TGFBI: variants seen among roughly 807,000 people sequenced by gnomAD.
TGFBI encodes the protein transforming growth factor-beta-induced protein ig-h3.
In TGFBI, 50 loss-of-function variants were observed where a neutral mutation model predicts 73.7. The ratio of observed to expected loss-of-function variants is 0.68; its 90% CI spans 0.54 to 0.86. TGFBI has a LOEUF of 0.86. TGFBI is among the 40% of genes least tolerant of loss of function. The probability of loss-of-function intolerance (pLI) is 0.00; values close to 1 mark genes in which losing one functional copy is unlikely to be tolerated. For missense variants in TGFBI, 839 were observed against 877.0 expected (o/e 0.96, Z 0.55); for synonymous variants, 362 against 360.5 (o/e 1.00, Z -0.05).
At chr5:136,055,534 C>T (rs959178158) in intron 10 of TGFBI, 146 bp from the exon 11 acceptor site, 5 of 671,156 alleles carry the variant, frequency 7.4e-6, no homozygotes, top group Non-Finnish European at 1.1e-5. Flanking sequence ...GAAAATACAT[C>T]ATTTTATCCC....
chr5:136,049,632 C>T, intron 7 of TGFBI, 52 bp downstream of exon 7: 1 of 1,574,590 alleles, frequency 6.4e-7, no homozygotes, highest in South Asian at 1.2e-5. Context: ...CTAGATTGAG[C>T]CCAAGACCTG....
chr5:136,043,315 C>G (rs1206927018), intron 2 of TGFBI, among the ~76,000 whole-genome samples: 3 of 152,198 alleles, frequency 2.0e-5, no homozygotes, highest in African/African-American at 7.2e-5. Flanking sequence ...CTGTGTATTT[C>G]AGATCTCCAG....
chr5:136,055,026 C>A, intron 10 of TGFBI, 165 bp downstream of exon 10: 1 of 838,402 alleles, frequency 1.2e-6, no homozygotes, highest in Non-Finnish European at 1.9e-6. Flanking sequence ...TGAGATCCTG[C>A]AGAAGGATTG....
At position 136,063,278 on chromosome 5, in the gene TGFBI, T is replaced by A. The variant is rs1272759632; in HGVS notation, c.*52T>A. 6.5e-7 allele frequency: 1 copy of A among 1,530,442 alleles called. No individual in the cohort carries two copies. Among genetic ancestry groups the A allele is most frequent in the African/African-American group, 1.4e-5 (1 of 73,378 alleles). The allele number at this position is 1,530,442 out of a possible 1,614,324, so 94.8% of individuals were successfully genotyped here. ...CACGGCAGCTCTCCGCCAATTTCTC[T>A]CAGATTTCCACAGAGACTGTTTGAA... is the stretch of plus-strand genomic sequence containing the variant. On this transcript the variant is annotated 3_prime_UTR_variant, in exon 17 of 17. Coordinates refer to ENST00000442011, the MANE Select transcript of TGFBI (RefSeq NM_000358.3).
intron 2 of TGFBI, among the ~76,000 whole-genome samples, chr5:136,036,614 G>A (rs542085251): frequency 2.4e-4 from 36 of 152,284 alleles, no homozygotes; most frequent in South Asian, 8.3e-4. Flanking sequence ...CCACCATACG[G>A]TCAGAATTCA....
intron 2 of TGFBI, among the ~76,000 whole-genome samples, chr5:136,034,151 T>C (rs1279295307): frequency 2.0e-5 from 3 of 151,968 alleles, no homozygotes; most frequent in African/African-American, 7.3e-5. Flanking sequence ...TGTTTCTCAA[T>C]CCTCATAAAA....
intron 8 of TGFBI, among the ~76,000 whole-genome samples, chr5:136,053,570 A>C (rs1751575184): frequency 6.6e-6 from 1 of 152,248 alleles, no homozygotes; most frequent in Non-Finnish European, 1.5e-5. Context: ...TGAGTGAAGG[A>C]ATCTCACAGG....
At chr5:136,043,188 G>A (rs1241285176) in intron 2 of TGFBI, among the ~76,000 whole-genome samples, 1 of 152,200 alleles carries the variant, frequency 6.6e-6, no homozygotes, top group African/African-American at 2.4e-5. Flanking sequence ...CAGAACCTGG[G>A]GATTTGGTTT....
chr5:136,056,718 A>G lies in TGFBI; in HGVS notation c.1601A>G (p.Glu534Gly). The change falls in exon 12 of 17, where the codon GAA becomes GGA. Residue 534 changes from glutamate to glycine, a missense_variant. Coordinates refer to ENST00000442011, the MANE Select transcript of TGFBI (RefSeq NM_000358.3). The stretch of plus-strand genomic sequence containing the variant: ...GGACTGACGGAGACCCTCAACCGGG[A>G]AGGAGTCTACACAGTCTTTGCTCCC... ...SAGLTETLNR[E>G]GVYTVFAPTN... 2 of 1,613,808 alleles carry G rather than the reference A, an allele frequency of 1.2e-6. No homozygotes were observed. The highest frequency in any genetic ancestry group is 1.7e-6 in the Non-Finnish European group (2 of 1,179,852).
At position 136,035,361 on chromosome 5, in the gene TGFBI, C is replaced by T. The variant is rs560749945; in HGVS notation, c.233+1500C>T. The stretch of plus-strand genomic sequence containing the variant: ...AAGATGGGCCGGGCACAGTGGCTCA[C>T]GCCTGTAATCCCAACACTTTGGGAG... On this transcript the variant is annotated intron_variant, in intron 2 of 16. Transcript: ENST00000442011. Among the ~76,000 whole-genome samples the T allele has an allele frequency of 4.6e-5, 7 of 152,304 alleles. No individual in the cohort carries two copies. The East Asian group carries it at 9.6e-4, about 21-fold the overall frequency.
intron 8 of TGFBI, 107 bp downstream of exon 8, chr5:136,053,226 C>A: frequency 1.9e-6 from 2 of 1,040,402 alleles, no homozygotes; most frequent in Non-Finnish European, 2.8e-6. Context: ...GACTTCCCTG[C>A]CTGGACCCAG....
chr5:136,046,066 G>A, intron 3 of TGFBI: 1 of 314,016 alleles, frequency 3.2e-6, no homozygotes, highest in Admixed American at 4.7e-5. Context: ...TAAATGTCTG[G>A]GAACAAGAGC....
At chr5:136,052,325 C>T (rs1487350944) in intron 7 of TGFBI, among the ~76,000 whole-genome samples, 2 of 152,252 alleles carry the variant, frequency 1.3e-5, no homozygotes, top group Non-Finnish European at 1.5e-5. Context: ...ATCCTGGCAG[C>T]TAGTAGACCC....
intron 11 of TGFBI, 66 bp from the exon 12 acceptor site, chr5:136,056,599 A>G (rs1159449950): frequency 4.4e-6 from 7 of 1,597,272 alleles, no homozygotes; most frequent in Non-Finnish European, 6.0e-6. Context: ...AATACCTCTC[A>G]GCGTGGTGAG....
At position 136,029,048 on chromosome 5, in the gene TGFBI, C is replaced by G. The variant is rs1015933499; in HGVS notation, c.-8C>G. The stretch of plus-strand genomic sequence containing the variant: ...CGCTAGCTCGCTCGGTGCGCGTCGT[C>G]CCGCTCCATGGCGCTCTTCGTGCGG... On this transcript the variant is annotated 5_prime_UTR_variant, in exon 1 of 17. Transcript: ENST00000442011. The G allele has an allele frequency of 7.2e-6, 11 of 1,525,254 alleles. No homozygotes were observed. In the Admixed American group the frequency reaches 9.9e-5, roughly 14 times the overall value. The allele number at this position is 1,525,254 out of a possible 1,614,324, so 94.5% of individuals were successfully genotyped here.
At chr5:136,058,247 T>G (rs921405796) in intron 12 of TGFBI, among the ~76,000 whole-genome samples, 4 of 152,150 alleles carry the variant, frequency 2.6e-5, no homozygotes, top group Non-Finnish European at 4.4e-5. Context: ...CCAAGTGAAC[T>G]CTCCAAAATA....
At chr5:136,048,179 G>A (rs1238267246) in intron 6 of TGFBI, 1 of 152,236 alleles carries the variant, frequency 6.6e-6, no homozygotes, top group African/African-American at 2.4e-5. Flanking sequence ...GGCCTCGCAG[G>A]TGTGGATGGC....
At chr5:136,030,475 C>T (rs1196138523) in intron 1 of TGFBI, among the ~76,000 whole-genome samples, 1 of 152,140 alleles carries the variant, frequency 6.6e-6, no homozygotes, top group Non-Finnish European at 1.5e-5. Flanking sequence ...GCACATCTGG[C>T]CACCCTGCAG....
chr5:136,061,349 A>T, intron 14 of TGFBI, 151 bp from the exon 15 acceptor site: 2 of 664,050 alleles, frequency 3.0e-6, no homozygotes, highest in Non-Finnish European at 5.4e-6. Context: ...CCATGGGCCA[A>T]GTTCTACCAT....
Sources: allele counts gnomAD v4.1 joint callset (sites outside exome capture counted in the v4.1 genomes callset), GRCh38; gene constraint gnomAD v4.1.1; transcripts MANE v1.5; gene names NCBI Gene and HGNC (gene_info 2026-07-23, HGNC 2026-07-21).